The following ANK2 variants were observed in gnomAD, a reference collection of about 807,000 sequenced individuals.
ANK2 encodes ankyrin-2.
A neutral mutation model predicts 360.5 loss-of-function variants in ANK2; 83 were observed. The ratio of observed to expected loss-of-function variants is 0.23; its 90% CI spans 0.19 to 0.28. The LOEUF (loss-of-function observed/expected upper bound fraction) is 0.28. Among genes scored for constraint, ANK2 ranks in the 10% least tolerant of loss-of-function variants. The probability of loss-of-function intolerance (pLI) is 1.00; values close to 1 mark genes in which losing one functional copy is unlikely to be tolerated. For missense variants in ANK2, 4,201 were observed against 4,795.7 expected (o/e 0.88, Z 3.66); for synonymous variants, 1,740 against 1,759.5 (o/e 0.99, Z 0.28).
chr4:113,081,204 T>G (rs1282066898), intron 1 of ANK2, among the ~76,000 whole-genome samples: 1 of 152,226 alleles, frequency 6.6e-6, no homozygotes, highest in East Asian at 1.9e-4. Context: ...AAGATTTTAC[T>G]GCATAGGTAG....
chr4:112,764,161 T>C, the ANK2 span, among the ~76,000 whole-genome samples: 1 of 151,648 alleles, frequency 6.6e-6, no homozygotes, highest in Admixed American at 6.6e-5. Context: ...GCCAGGCTGG[T>C]CTTGAACTCC....
chr4:113,100,184 A>G (rs1445722872), intron 1 of ANK2, among the ~76,000 whole-genome samples: 1 of 152,104 alleles, frequency 6.6e-6, no homozygotes, highest in Non-Finnish European at 1.5e-5. Flanking sequence ...GAATAGAAAG[A>G]CAAGCCACAG....
intron 2 of ANK2, among the ~76,000 whole-genome samples, chr4:112,905,802 C>T (rs1444463145): frequency 6.6e-6 from 1 of 152,032 alleles, no homozygotes; most frequent in African/African-American, 2.4e-5. Flanking sequence ...GCTGGAACTA[C>T]AGACTTGCAC....
intron 21 of ANK2, chr4:113,293,179 T>C: frequency 1.6e-6 from 1 of 607,488 alleles, no homozygotes; most frequent in Non-Finnish European, 3.1e-6. Context: ...TTTGACAACC[T>C]TAGGGTTAAA....
chr4:112,821,544 C>T (rs1419862276), intron 1 of ANK2, among the ~76,000 whole-genome samples: 2 of 149,790 alleles, frequency 1.3e-5, no homozygotes, highest in African/African-American at 2.5e-5. Flanking sequence ...CAGTCTGTCA[C>T]CCAGGCTGGA....
Position 113,358,209 on chromosome 4 carries a change from T to C in ANK2, c.9591T>C (p.Asp3197=). The C allele has an allele frequency of 6.2e-7, 1 of 1,614,102 alleles. No homozygotes were observed. The highest frequency in any genetic ancestry group is 8.5e-7 in the Non-Finnish European group (1 of 1,179,972). The change falls in exon 38 of 46, where the codon GAT becomes GAC. Residue 3197 remains aspartate (D), a synonymous_variant. Transcript: ENST00000357077. ...SEEVEEIPAS[D]AQLNSQMGIS... The stretch of plus-strand genomic sequence containing the variant: ...AAGTAGAGGAAATACCTGCTTCGGA[T>C]GCTCAACTTAACTCCCAAATGGGGA...
At chr4:113,319,777 C>T (rs1209873490) in intron 26 of ANK2, among the ~76,000 whole-genome samples, 1 of 152,028 alleles carries the variant, frequency 6.6e-6, no homozygotes, top group African/African-American at 2.4e-5. Context: ...TTCAAATTTA[C>T]TTGCTTTTTT....
chr4:113,116,308 T>C (rs1332303634), intron 1 of ANK2, among the ~76,000 whole-genome samples: 1 of 152,176 alleles, frequency 6.6e-6, no homozygotes, highest in Non-Finnish European at 1.5e-5. Flanking sequence ...CTTTCCTCTT[T>C]CCCATTCTCT....
At chr4:113,352,377 T>G (rs1238086059) in intron 37 of ANK2, among the ~76,000 whole-genome samples, 1 of 152,206 alleles carries the variant, frequency 6.6e-6, no homozygotes, top group Non-Finnish European at 1.5e-5. Flanking sequence ...GAAAGGACCA[T>G]GCCTCGTAGC....
intron 1 of ANK2, among the ~76,000 whole-genome samples, chr4:113,153,000 C>A (rs184164055): frequency 6.6e-6 from 1 of 152,140 alleles, no homozygotes; most frequent in Admixed American, 6.5e-5. Context: ...ATGTGAAAGC[C>A]AGCTGTGTAA....
chr4:113,002,385 A>G (rs1247948346), intron 2 of ANK2, among the ~76,000 whole-genome samples: 1 of 152,262 alleles, frequency 6.6e-6, no homozygotes, highest in East Asian at 1.9e-4. Flanking sequence ...TGCAGCCATA[A>G]AAAATGATGA....
intron 2 of ANK2, among the ~76,000 whole-genome samples, chr4:113,009,821 T>G (rs897755780): frequency 7.9e-5 from 12 of 152,096 alleles, no homozygotes; most frequent in Non-Finnish European, 8.8e-5. Flanking sequence ...TTAAAAATGT[T>G]TTTTCTTTAT....
chr4:112,896,207 T>A (rs569676953), intron 1 of ANK2, among the ~76,000 whole-genome samples: 52 of 152,348 alleles, frequency 3.4e-4, no homozygotes, highest in African/African-American at 1.2e-3. Context: ...TAGCTGTTTG[T>A]ACTTTGTTTT....
chr4:113,231,854 A>G (rs2099312151), intron 4 of ANK2, among the ~76,000 whole-genome samples: 1 of 151,654 alleles, frequency 6.6e-6, no homozygotes, highest in Non-Finnish European at 1.5e-5. Flanking sequence ...CCCGCCTCAG[A>G]CTCCCAAAGT....
chr4:112,747,456 G>T, the ANK2 span, among the ~76,000 whole-genome samples: 3 of 152,170 alleles, frequency 2.0e-5, no homozygotes, highest in South Asian at 2.1e-4. Context: ...GAAAATTGGT[G>T]GTTTATGTGC....
chr4:113,091,220 A>G (rs1219025596), intron 1 of ANK2, among the ~76,000 whole-genome samples: 1 of 152,180 alleles, frequency 6.6e-6, no homozygotes, highest in Admixed American at 6.5e-5. Context: ...TTTTAGCATC[A>G]TATTGATATC....
intron 1 of ANK2, among the ~76,000 whole-genome samples, chr4:112,896,811 C>T (rs980434087): frequency 6.6e-6 from 1 of 152,190 alleles, no homozygotes; most frequent in South Asian, 2.1e-4. Context: ...CTTGGAACCA[C>T]GGCCACAGTC....
intron 1 of ANK2, among the ~76,000 whole-genome samples, chr4:113,089,824 C>G (rs2154352671): frequency 7.0e-6 from 1 of 143,330 alleles, no homozygotes; most frequent in Non-Finnish European, 1.5e-5. Flanking sequence ...ATCTCTGTCT[C>G]AGAAAAAATT....
At chr4:113,082,669 C>A (rs1022733081) in intron 1 of ANK2, among the ~76,000 whole-genome samples, 1 of 152,084 alleles carries the variant, frequency 6.6e-6, no homozygotes, top group Non-Finnish European at 1.5e-5. Context: ...GTGAGAGTAT[C>A]CCTCTATTGT....
Sources: allele counts gnomAD v4.1 joint callset (sites outside exome capture counted in the v4.1 genomes callset), GRCh38; gene constraint gnomAD v4.1.1; transcripts MANE v1.5; gene names NCBI Gene and HGNC (gene_info 2026-07-23, HGNC 2026-07-21).